The following DCPS variants were observed in gnomAD, a reference collection of about 807,000 sequenced individuals.
The protein encoded by DCPS is decapping enzyme, scavenger.
In DCPS, 27 loss-of-function variants were observed where a neutral mutation model predicts 34.7. The observed-to-expected ratio is 0.78, with a 90% confidence interval of 0.57 to 1.07. The LOEUF (loss-of-function observed/expected upper bound fraction) is 1.07, where lower values mean the gene tolerates loss of function less well. Ranked by LOEUF, DCPS falls within the 50% of genes least tolerant of loss-of-function variation. The probability of loss-of-function intolerance (pLI) is 0.00; values close to 1 mark genes in which losing one functional copy is unlikely to be tolerated. For missense variants in DCPS, 464 were observed against 436.9 expected (o/e 1.06, Z -0.55); for synonymous variants, 185 against 185.7 (o/e 1.00, Z 0.03).
At position 126,335,279 on chromosome 11, in the gene DCPS, C is replaced by G. The variant is rs1263693281; in HGVS notation, c.523-3007C>G. Among the ~76,000 whole-genome samples the G allele has an allele frequency of 6.6e-6, 1 of 152,238 alleles. No individual in the cohort carries two copies. The highest frequency in any genetic ancestry group is 1.5e-5 in the Non-Finnish European group (1 of 68,042). On this transcript the variant is annotated intron_variant, in intron 3 of 5. Coordinates refer to ENST00000263579, the MANE Select transcript of DCPS (RefSeq NM_014026.6). The surrounding 1 kb of genome is among the most constrained non-coding windows in gnomAD (Gnocchi z 4.8). The stretch of plus-strand genomic sequence containing the variant: ...GGTACCGAGGGAGCTGCCAATGTCA[C>G]CTACTGCAAAGAAGTCCAGCCAGGT...
rs1398885419 is a variant in DCPS at position 126,331,415 on chromosome 11, G to A, written c.387G>A (p.Thr129=). The A allele has an allele frequency of 2.5e-6, 4 of 1,613,992 alleles. No individual in the cohort carries two copies. The highest frequency in any genetic ancestry group is 3.4e-6 in the Non-Finnish European group (4 of 1,179,990). Residue 129 remains threonine (T), a synonymous_variant, in exon 3 of 6, where the codon ACG becomes ACA. Transcript: ENST00000263579. This position sits in a 1 kb window ranked among gnomAD's most constrained non-coding sequence, Gnocchi z 7.2. ...GCTGTATCATTGCAGATGTAAAGAC[G>A]ACCGTGGTTTACCCTGCCACAGAGA... ...FPPRQLNDVK[T]TVVYPATEKH...
chr11:126,318,746 CA>C (rs1371725370), intron 2 of DCPS, among the ~76,000 whole-genome samples: 4 of 152,190 alleles, frequency 2.6e-5, no homozygotes, highest in Non-Finnish European at 5.9e-5. Flanking sequence ...AAAGGGGAAG[CA>C]AAAGCCACAG....
intron 2 of DCPS, among the ~76,000 whole-genome samples, chr11:126,321,669 A>G (rs970492198): frequency 2.7e-5 from 4 of 149,222 alleles, no homozygotes; most frequent in African/African-American, 9.7e-5. Context: ...CCTCAGCTGA[A>G]AAAGAGAAGA....
Position 126,347,853 on chromosome 11 carries a change from T to C in DCPS, c.*2240T>C, listed in dbSNP as rs1390529239. 6.6e-6 allele frequency among the ~76,000 whole-genome samples: 1 copy of C among 151,988 alleles called. No individual in the cohort carries two copies. Among genetic ancestry groups the C allele is most frequent in the Non-Finnish European group, 1.5e-5 (1 of 67,986 alleles). ...GCTTCCCCTCTGAAAGCAGATGTGG[T>C]CCCAACAAGCAAACACGGTCTCCAT... On this transcript the variant is annotated 3_prime_UTR_variant, in exon 6 of 6. Transcript: ENST00000263579. The surrounding 1 kb of genome is among the most constrained non-coding windows in gnomAD (Gnocchi z 4.2).
chr11:126,319,324 G>T lies in DCPS; in HGVS notation c.377-12081G>T, dbSNP rs1951685910. ...TATACTTGGTAGGGGAGGTGGTAGGGGACAGGATGGTACCACAAATGTAGG... is the reference window on the plus strand; with the variant it reads ...TATACTTGGTAGGGGAGGTGGTAGGTGACAGGATGGTACCACAAATGTAGG... On this transcript the variant is annotated intron_variant, in intron 2 of 5. Coordinates refer to ENST00000263579, the MANE Select transcript of DCPS (RefSeq NM_014026.6). The surrounding 1 kb of genome is among the most constrained non-coding windows in gnomAD (Gnocchi z 4.5). 6.6e-6 allele frequency among the ~76,000 whole-genome samples: 1 copy of T among 152,114 alleles called. No individual in the cohort carries two copies. Among genetic ancestry groups the T allele is most frequent in the African/African-American group, 2.4e-5 (1 of 41,398 alleles).
At chr11:126,306,328 G>C (rs1018504680) in intron 1 of DCPS, among the ~76,000 whole-genome samples, 3 of 151,708 alleles carry the variant, frequency 2.0e-5, no homozygotes, top group Non-Finnish European at 4.4e-5. Flanking sequence ...AGCCAAGATC[G>C]CGCCATTGCA....
chr11:126,333,268 G>GCCAAGCAC lies in DCPS; in HGVS notation c.522+1718_522+1719insCCAAGCAC, dbSNP rs1172330916. ...ATGTATTCCTTCTTGGCTATTTCTA[G>GCCAAGCAC]TTTACAAGCACTCAGCTTAACTGGC... is the stretch of plus-strand genomic sequence containing the variant. On this transcript the variant is annotated intron_variant, in intron 3 of 5. Coordinates refer to ENST00000263579, the MANE Select transcript of DCPS (RefSeq NM_014026.6). This position sits in a 1 kb window ranked among gnomAD's most constrained non-coding sequence, Gnocchi z 5.7. Among the ~76,000 whole-genome samples the GCCAAGCAC allele has an allele frequency of 7.9e-5, 12 of 152,270 alleles. No homozygotes were observed. Among genetic ancestry groups the GCCAAGCAC allele is most frequent in the Non-Finnish European group, 1.3e-4 (9 of 68,022 alleles).
At chr11:126,318,307 G>T (rs1486059295) in intron 2 of DCPS, among the ~76,000 whole-genome samples, 1 of 152,160 alleles carries the variant, frequency 6.6e-6, no homozygotes, top group Non-Finnish European at 1.5e-5. Flanking sequence ...GTCTCTTCGG[G>T]CTTCACTTGA....
At position 126,312,190 on chromosome 11, in the gene DCPS, C is replaced by T. The variant is rs1203730391; in HGVS notation, c.376+5446C>T. ...AGGTGATCCACCTGCCTCGGCCTCC[C>T]AGAGTGCTGAGAGTACAGGCGTGAG... On this transcript the variant is annotated intron_variant, in intron 2 of 5. Transcript: ENST00000263579. The surrounding 1 kb of genome is among the most constrained non-coding windows in gnomAD (Gnocchi z 5.1). Among the ~76,000 whole-genome samples the T allele has an allele frequency of 2.0e-5, 3 of 152,082 alleles. No homozygotes were observed. The highest frequency in any genetic ancestry group is 4.4e-5 in the Non-Finnish European group (3 of 68,024).
At position 126,306,581 on chromosome 11, in the gene DCPS, C is replaced by G. The variant is rs1328308318; in HGVS notation, c.213C>G (p.Ala71=). ...IIFLHGKVNE[A]SGDGDGEDAV... is the part of the protein sequence containing the mutation. Reference sequence around the variant, plus strand: ...GCCTCTGCCCACAGGTGAATGAGGCCTCTGGGGATGGGGATGGAGAGGATG... The same window carrying G: ...GCCTCTGCCCACAGGTGAATGAGGCGTCTGGGGATGGGGATGGAGAGGATG... The change falls in exon 2 of 6, where the codon GCC becomes GCG. Residue 71 remains alanine (A), a synonymous_variant. Transcript: ENST00000263579. 3.1e-6 allele frequency: 5 copies of G among 1,598,094 alleles called. No homozygotes were observed. The highest frequency in any genetic ancestry group is 4.3e-6 in the Non-Finnish European group (5 of 1,169,360).
rs1406716560 is a variant in DCPS, at chr11:126,329,697, T to C, written c.377-1708T>C. 1.3e-5 allele frequency among the ~76,000 whole-genome samples: 2 copies of C among 152,220 alleles called. No individual in the cohort carries two copies. Among genetic ancestry groups the C allele is most frequent in the Non-Finnish European group, 2.9e-5 (2 of 68,034 alleles). ...GGTTCGCCTCTGCCACGTTTCACGGTGTGATACTGGATGACTCTTTTGAGT... is the reference window on the plus strand; with the variant it reads ...GGTTCGCCTCTGCCACGTTTCACGGCGTGATACTGGATGACTCTTTTGAGT... On this transcript the variant is annotated intron_variant, in intron 2 of 5. Coordinates refer to ENST00000263579, the MANE Select transcript of DCPS (RefSeq NM_014026.6). The surrounding 1 kb of genome is among the most constrained non-coding windows in gnomAD (Gnocchi z 5.0).
In DCPS at chr11:126,315,806, C is replaced by T. The variant is rs867971191; in HGVS notation, c.376+9062C>T. ...TCAGCTCATTGCAACCTCCACCTCC[C>T]GGGTTGAAGCGATTCTCCTGCCTCA... On this transcript the variant is annotated intron_variant, in intron 2 of 5. Coordinates refer to ENST00000263579, the MANE Select transcript of DCPS (RefSeq NM_014026.6). The surrounding 1 kb of genome is among the most constrained non-coding windows in gnomAD (Gnocchi z 6.1). 1.4e-4 allele frequency among the ~76,000 whole-genome samples: 21 copies of T among 152,016 alleles called. No homozygotes were observed. Among genetic ancestry groups the T allele is most frequent in the Non-Finnish European group, 2.1e-4 (14 of 68,018 alleles).
intron 2 of DCPS, among the ~76,000 whole-genome samples, chr11:126,310,876 G>C (rs1397037208): frequency 6.6e-6 from 1 of 152,220 alleles, no homozygotes; most frequent in African/African-American, 2.4e-5. Flanking sequence ...TTTTTCTGCT[G>C]TCTCTGGCTG....
At position 126,325,236 on chromosome 11, in the gene DCPS, C is replaced by T. The variant is rs1314058493; in HGVS notation, c.377-6169C>T. On this transcript the variant is annotated intron_variant, in intron 2 of 5. Coordinates refer to ENST00000263579, the MANE Select transcript of DCPS (RefSeq NM_014026.6). This position sits in a 1 kb window ranked among gnomAD's most constrained non-coding sequence, Gnocchi z 4.3. ...TAAAAATGTAATGACTTATTCCATACACCAAAAATTATGCTGAAGAGAAGA... is the reference window on the plus strand; with the variant it reads ...TAAAAATGTAATGACTTATTCCATATACCAAAAATTATGCTGAAGAGAAGA... Among the ~76,000 whole-genome samples, 1 of 152,072 alleles carries T rather than the reference C, an allele frequency of 6.6e-6. No homozygotes were observed. Among genetic ancestry groups the T allele is most frequent in the Non-Finnish European group, 1.5e-5 (1 of 68,010 alleles).
rs1402519793 is a variant in DCPS, at chr11:126,304,245, G to C, written c.165G>C (p.Glu55Asp). Residue 55 changes from glutamate (E) to aspartate (D), a missense_variant, in exon 1 of 6, where the codon GAG (glutamate) becomes GAC (aspartate). Coordinates refer to ENST00000263579, the MANE Select transcript of DCPS (RefSeq NM_014026.6). ...SGFRLQKVLR[E>D]SARDKIIFLH... ...TCAGACTGCAGAAGGTGCTGAGGGA[G>C]TCTGCGCGGGACAAAATCATTTTCC... 1 of 1,614,124 alleles carries C rather than the reference G, an allele frequency of 6.2e-7. No individual in the cohort carries two copies. The highest frequency in any genetic ancestry group is 8.5e-7 in the Non-Finnish European group (1 of 1,180,056).
Position 126,333,624 on chromosome 11 carries a change from T to A in DCPS, c.522+2074T>A, listed in dbSNP as rs868728421. Among the ~76,000 whole-genome samples the A allele has an allele frequency of 2.6e-5, 4 of 152,158 alleles. No homozygotes were observed. Among genetic ancestry groups the A allele is most frequent in the Admixed American group, 6.5e-5 (1 of 15,278 alleles). ...GGCACACAGAGCTGGAATCATCCGATGCTTTGGGGGAGCTGCAAGGAGTTT... is the reference window on the plus strand; with the variant it reads ...GGCACACAGAGCTGGAATCATCCGAAGCTTTGGGGGAGCTGCAAGGAGTTT... On this transcript the variant is annotated intron_variant, in intron 3 of 5. Coordinates refer to ENST00000263579, the MANE Select transcript of DCPS (RefSeq NM_014026.6). The surrounding 1 kb of genome is among the most constrained non-coding windows in gnomAD (Gnocchi z 5.7).
intron 1 of DCPS, among the ~76,000 whole-genome samples, chr11:126,305,501 A>G (rs1012316569): frequency 1.6e-5 from 2 of 128,204 alleles, no homozygotes; most frequent in African/African-American, 3.1e-5. Context: ...GCTCACTGCA[A>G]CCTCCACTTT....
In DCPS at chr11:126,338,210, C is replaced by A. The variant is rs1951848059; in HGVS notation, c.523-76C>A. 1 of 1,401,018 alleles carries A rather than the reference C, an allele frequency of 7.1e-7. No homozygotes were observed. Among genetic ancestry groups the A allele is most frequent in the Non-Finnish European group, 1.0e-6 (1 of 996,620 alleles). 86.8% of individuals were successfully genotyped at this position (1,401,018 alleles called of 1,614,324 possible). A position where few individuals can be genotyped will look rare whatever the true frequency, so the allele number is the denominator to read the frequency against. On this transcript the variant is annotated intron_variant, in intron 3 of 5. Coordinates refer to ENST00000263579, the MANE Select transcript of DCPS (RefSeq NM_014026.6). This position sits in a 1 kb window ranked among gnomAD's most constrained non-coding sequence, Gnocchi z 5.4. ...TGTCTCCTGGAGAGGCCAGGGAATGCCCTGAGCTCAGTTTGGGGTATCTCT... is the reference window on the plus strand; with the variant it reads ...TGTCTCCTGGAGAGGCCAGGGAATGACCTGAGCTCAGTTTGGGGTATCTCT...
Position 126,338,059 on chromosome 11 carries a change from C to T in DCPS, c.523-227C>T, listed in dbSNP as rs1434889597. Reference sequence around the variant, plus strand: ...AGCTGCAGAGACCCTTGTGATGACGCATGGCTGAGTGCCAGCTGGAGTGGG... The same window carrying T: ...AGCTGCAGAGACCCTTGTGATGACGTATGGCTGAGTGCCAGCTGGAGTGGG... On this transcript the variant is annotated intron_variant, in intron 3 of 5. Coordinates refer to ENST00000263579, the MANE Select transcript of DCPS (RefSeq NM_014026.6). This position sits in a 1 kb window ranked among gnomAD's most constrained non-coding sequence, Gnocchi z 5.4. 5.4e-6 allele frequency: 3 copies of T among 554,694 alleles called. No homozygotes were observed. The highest frequency in any genetic ancestry group is 6.2e-5 in the Admixed American group (2 of 32,262). The allele number at this position is 554,694 out of a possible 1,614,324, so 34.4% of individuals were successfully genotyped here.
Sources: gnomAD v4.1 joint callset for allele counts (sites outside exome capture counted in the v4.1 genomes callset) on GRCh38, gnomAD v4.1.1 for gene constraint, Gnocchi (gnomAD v3.1) non-coding constraint, MANE v1.5 for transcripts, NCBI Gene and HGNC (gene_info 2026-07-23, HGNC 2026-07-21) for gene names.